The following SCN9A variants were observed in gnomAD, a reference collection of about 807,000 sequenced individuals.
The protein encoded by SCN9A is sodium channel protein type 9 subunit alpha.
In SCN9A, 131 loss-of-function variants were observed where a neutral mutation model predicts 187.0. The observed-to-expected ratio is 0.70, with a 90% CI of 0.61 to 0.81. The LOEUF (loss-of-function observed/expected upper bound fraction) is 0.81, where lower values mean the gene tolerates loss of function less well. Among genes scored for constraint, SCN9A ranks in the 30% least tolerant of loss-of-function variants. The pLI is 0.00. For missense variants in SCN9A, 2,252 were observed against 2,396.6 expected, an observed-to-expected ratio of 0.94 and a Z score of 1.26; for synonymous variants, 809 against 808.6, an observed-to-expected ratio of 1.00 and a Z score of -0.01.
chr2:166,335,534 A>G (rs748304870), intron 1 of SCN9A, among the ~76,000 whole-genome samples: 3 of 152,148 alleles, frequency 2.0e-5, no homozygotes, highest in Non-Finnish European at 2.9e-5. Flanking sequence ...TTTTGGAAAC[A>G]TGGTCACTAG....
intron 18 of SCN9A, among the ~76,000 whole-genome samples, chr2:166,250,701 G>T (rs1394543331): frequency 6.6e-6 from 1 of 152,056 alleles, no homozygotes; most frequent in African/African-American, 2.4e-5. Context: ...AAGCATACAG[G>T]AGTAGAAGGA....
At chr2:166,219,344 A>G (rs1373060635) in intron 24 of SCN9A, among the ~76,000 whole-genome samples, 3 of 152,178 alleles carry the variant, frequency 2.0e-5, no homozygotes, top group Admixed American at 2.0e-4. Context: ...TAGACTGGAT[A>G]AAGATAATGT....
At chr2:166,220,963 G>A (rs1420849594) in intron 24 of SCN9A, among the ~76,000 whole-genome samples, 5 of 152,108 alleles carry the variant, frequency 3.3e-5, no homozygotes, top group Non-Finnish European at 5.9e-5. Flanking sequence ...TTTACTAGAT[G>A]TTGAAGGATA....
chr2:166,325,917 C>T (rs1699351079), intron 1 of SCN9A, among the ~76,000 whole-genome samples: 1 of 152,144 alleles, frequency 6.6e-6, no homozygotes, highest in Non-Finnish European at 1.5e-5. Context: ...TTAAATTACT[C>T]TCCTATGTTC....
intron 1 of SCN9A, among the ~76,000 whole-genome samples, chr2:166,319,420 G>A (rs1361841204): frequency 2.0e-5 from 3 of 150,126 alleles, no homozygotes; most frequent in Non-Finnish European, 4.4e-5. Context: ...TAAAAGCAAA[G>A]GGAATTTGTT....
intron 1 of SCN9A, among the ~76,000 whole-genome samples, chr2:166,330,892 G>A (rs959068317): frequency 6.6e-6 from 1 of 152,128 alleles, no homozygotes; most frequent in East Asian, 1.9e-4. Context: ...ACCAGTATCT[G>A]TCACTGGCCC....
chr2:166,198,766 T>A lies in SCN9A; in HGVS notation c.5873A>T (p.Tyr1958Phe), dbSNP rs758044085. The change falls in exon 27 of 27, where the codon TAT becomes TTT. Residue 1958 changes from tyrosine to phenylalanine, a missense_variant. This residue lies in a region of SCN9A where 345 missense variants were observed against 344.6 expected (regional missense o/e 1.00). Transcript: ENST00000642356. The stretch of plus-strand genomic sequence containing the variant: ...TTTGTCTGGCTTTGTTACACTATCA[T>A]ATGAAGGTGGAGAGGTGGTGGATGA... ...ATSSTTSPPS[Y>F]DSVTKPDKEK... 3 of 1,613,592 alleles carry A rather than the reference T, an allele frequency of 1.9e-6. No individual in the cohort carries two copies. The highest frequency in any genetic ancestry group is 1.7e-6 in the Non-Finnish European group (2 of 1,179,656).
chr2:166,229,004 G>A (rs1409978550), intron 21 of SCN9A, 32 bp from the exon 22 acceptor site: 1 of 1,556,014 alleles, frequency 6.4e-7, no homozygotes, highest in East Asian at 2.3e-5. Flanking sequence ...AGCATGATTA[G>A]GATTAGTAAG....
At chr2:166,300,722 A>C (rs1000609120) in intron 7 of SCN9A, among the ~76,000 whole-genome samples, 3 of 150,890 alleles carry the variant, frequency 2.0e-5, no homozygotes, top group Non-Finnish European at 4.4e-5. Context: ...AGCAAAATTC[A>C]GACTTGATTT....
chr2:166,214,877 C>T (rs1694264951), intron 24 of SCN9A, among the ~76,000 whole-genome samples: 1 of 151,750 alleles, frequency 6.6e-6, no homozygotes, highest in African/African-American at 2.4e-5. Flanking sequence ...TGGCTTCTTC[C>T]CTGGCTTGCT....
chr2:166,359,105 A>G (rs1397065379), intron 1 of SCN9A, among the ~76,000 whole-genome samples: 1 of 152,174 alleles, frequency 6.6e-6, no homozygotes, highest in Non-Finnish European at 1.5e-5. Flanking sequence ...CCAATGAACT[A>G]TCTATGTAGG....
chr2:166,255,965 C>T (rs1299156001), intron 17 of SCN9A, among the ~76,000 whole-genome samples: 4 of 151,304 alleles, frequency 2.6e-5, no homozygotes, highest in African/African-American at 9.7e-5. Context: ...TAATTGTGTT[C>T]TTGAATCATT....
At chr2:166,357,757 C>A (rs1700183368) in intron 1 of SCN9A, among the ~76,000 whole-genome samples, 1 of 152,198 alleles carries the variant, frequency 6.6e-6, no homozygotes, top group South Asian at 2.1e-4. Context: ...GTGCGCCATA[C>A]TTGCACTTCT....
At chr2:166,235,462 T>A (rs57020101) in intron 20 of SCN9A, among the ~76,000 whole-genome samples, 1 of 152,086 alleles carries the variant, frequency 6.6e-6, no homozygotes, top group Non-Finnish European at 1.5e-5. Context: ...GCAAATAATA[T>A]AAGTAGTTCT....
intron 1 of SCN9A, among the ~76,000 whole-genome samples, chr2:166,331,711 C>T (rs190038995): frequency 6.6e-6 from 1 of 152,186 alleles, no homozygotes; most frequent in East Asian, 1.9e-4. Context: ...AGAAATAATA[C>T]TTTTTACTTT....
At chr2:166,367,412 G>C (rs1335849609) in intron 1 of SCN9A, among the ~76,000 whole-genome samples, 2 of 152,006 alleles carry the variant, frequency 1.3e-5, no homozygotes, top group Admixed American at 1.3e-4. Context: ...ACAGGTGCTG[G>C]CCACCATGCC....
chr2:166,370,284 T>C (rs958951443), intron 1 of SCN9A, among the ~76,000 whole-genome samples: 5 of 150,330 alleles, frequency 3.3e-5, no homozygotes, highest in South Asian at 2.1e-4. Flanking sequence ...TGGCTCATGC[T>C]TGTAATCCCA....
intron 24 of SCN9A, among the ~76,000 whole-genome samples, chr2:166,207,810 T>A (rs1390276375): frequency 2.0e-5 from 3 of 152,170 alleles, no homozygotes; most frequent in African/African-American, 7.2e-5. Context: ...CATATTCATC[T>A]CACCTACTGG....
chr2:166,348,347 A>AATG (rs1479607103), intron 1 of SCN9A, among the ~76,000 whole-genome samples: 1 of 152,124 alleles, frequency 6.6e-6, no homozygotes, highest in Non-Finnish European at 1.5e-5. Context: ...CGCTCATTTA[A>AATG]ATGATTGCCA....
Sources: allele counts gnomAD v4.1 joint callset (sites outside exome capture counted in the v4.1 genomes callset), GRCh38; gene constraint gnomAD v4.1.1; regional missense constraint gnomAD v4.1.1; transcripts MANE v1.5; gene names NCBI Gene and HGNC (gene_info 2026-07-23, HGNC 2026-07-21).